WWP2: variants seen among roughly 807,000 people sequenced by gnomAD.
WWP2 encodes the protein WW domain containing E3 ubiquitin protein ligase 2.
In WWP2, 57 loss-of-function variants were observed where a neutral mutation model predicts 121.0. The ratio of observed to expected loss-of-function variants is 0.47; its 90% CI spans 0.38 to 0.59. The LOEUF (loss-of-function observed/expected upper bound fraction) is 0.59. Ranked by LOEUF, WWP2 falls within the 20% of genes least tolerant of loss-of-function variation. The pLI is 0.00. For missense variants in WWP2, 962 were observed against 1,158.9 expected (o/e 0.83, Z 2.47); for synonymous variants, 449 against 441.3 (o/e 1.02, Z -0.22).
At chr16:69,818,654 A>G (rs1409510841) in intron 4 of WWP2, among the ~76,000 whole-genome samples, 2 of 152,110 alleles carry the variant, frequency 1.3e-5, no homozygotes, top group Non-Finnish European at 2.9e-5. Context: ...GGACACAATG[A>G]ATCGATCCTT....
intron 16 of WWP2, among the ~76,000 whole-genome samples, 181 bp downstream of exon 16, chr16:69,932,071 T>G (rs183963050): frequency 2.6e-5 from 4 of 152,364 alleles, no homozygotes; most frequent in South Asian, 2.1e-4. Flanking sequence ...GGCTCACGCC[T>G]ATAATCCCAG....
rs757434299 is a variant in WWP2, at chr16:69,799,291, C to A, written c.336C>A (p.Gly112=). 1.1e-5 allele frequency: 17 copies of A among 1,612,954 alleles called. No homozygotes were observed. The highest frequency in any genetic ancestry group is 1.4e-5 in the Non-Finnish European group (16 of 1,179,624). The change falls in exon 4 of 24, where the codon GGC becomes GGA. Residue 112 remains glycine (G), a synonymous_variant. Transcript: ENST00000359154. The surrounding 1 kb of genome is among the most constrained non-coding windows in gnomAD (Gnocchi z 4.5). The part of the protein sequence containing the change: ...NLSNVLKNNG[G]KMENMQLTLN... ...CCAACGTCTTGAAGAACAATGGGGG[C>A]AAAAGTACGTATGATGAAGGGGGTG...
In WWP2 at chr16:69,795,210, G is replaced by T. The variant is rs111618369; in HGVS notation, c.71-3472G>T. Among the ~76,000 whole-genome samples, 1,145 of 151,448 alleles carry T rather than the reference G, an allele frequency of 7.6e-3. 15 individuals are homozygous for T. The highest frequency in any genetic ancestry group is 0.026 in the African/African-American group (1,063 of 41,182). ...GTGATCGTGCCACTGCACTCCAGCC[G>T]GTCTACAACTTACTTTTTAATGGTT... On this transcript the variant is annotated intron_variant, in intron 2 of 23. Transcript: ENST00000359154.
chr16:69,872,842 T>C (rs527447121), intron 7 of WWP2, among the ~76,000 whole-genome samples: 5 of 152,244 alleles, frequency 3.3e-5, no homozygotes, highest in Non-Finnish European at 7.3e-5. Flanking sequence ...GGGAAGGACC[T>C]ATTTCAAAAC....
intron 8 of WWP2, among the ~76,000 whole-genome samples, chr16:69,900,855 T>C (rs930875238): frequency 1.3e-5 from 2 of 152,012 alleles, no homozygotes; most frequent in African/African-American, 4.8e-5. Context: ...GGAGCTTTGG[T>C]AAAGATAAAA....
At chr16:69,867,318 T>G (rs557652476) in intron 6 of WWP2, among the ~76,000 whole-genome samples, 52 of 152,304 alleles carry the variant, frequency 3.4e-4, no homozygotes, top group Admixed American at 1.4e-3. Context: ...TGTGCTATGA[T>G]AGAAATTTGT....
chr16:69,829,991 T>A (rs926103059), intron 4 of WWP2, among the ~76,000 whole-genome samples: 4 of 151,878 alleles, frequency 2.6e-5, no homozygotes, highest in African/African-American at 7.2e-5. Flanking sequence ...GTCTAACTCT[T>A]TCACCTAAGC....
At chr16:69,903,106 T>C (rs1225874758) in intron 8 of WWP2, among the ~76,000 whole-genome samples, 1 of 152,196 alleles carries the variant, frequency 6.6e-6, no homozygotes, top group African/African-American at 2.4e-5. Context: ...AGGGGGTTCA[T>C]AGAAGGACAT....
At position 69,917,848 on chromosome 16, in the gene WWP2, G is replaced by A; in HGVS notation, c.1144G>A (p.Ala382Thr). 2.5e-6 allele frequency: 4 copies of A among 1,613,302 alleles called. No homozygotes were observed. The highest frequency in any genetic ancestry group is 3.4e-6 in the Non-Finnish European group (4 of 1,179,252). The change falls in exon 10 of 24, where the codon GCC becomes ACC. Residue 382 changes from alanine (A) to threonine (T), a missense_variant. Physicochemically the swap from Ala to Thr is moderately conservative, Grantham distance 58. This residue lies in a region of WWP2 where 606 missense variants were observed against 772.6 expected (regional missense o/e 0.78). Coordinates refer to ENST00000359154, the MANE Select transcript of WWP2 (RefSeq NM_001270454.2). ...GTCGCAGCGGAATCAGCTCCAGGGGGCCATGCAGCACTTCAGCCAAAGATT... is the reference window on the plus strand; with the variant it reads ...GTCGCAGCGGAATCAGCTCCAGGGGACCATGCAGCACTTCAGCCAAAGATT... ...WQSQRNQLQG[A>T]MQHFSQRFLY...
At chr16:69,905,269 C>G (rs973300331) in intron 8 of WWP2, among the ~76,000 whole-genome samples, 1 of 152,208 alleles carries the variant, frequency 6.6e-6, no homozygotes, top group Non-Finnish European at 1.5e-5. Flanking sequence ...GCACTCTGGT[C>G]CTCAACCAAG....
chr16:69,786,291 C>T (rs1178522272), intron 1 of WWP2, among the ~76,000 whole-genome samples: 1 of 151,282 alleles, frequency 6.6e-6, no homozygotes, highest in Non-Finnish European at 1.5e-5. Flanking sequence ...TTACAGGCAC[C>T]CACCACTATG....
rs1486867025 is a variant in WWP2, at chr16:69,925,611, C to G, written c.1234+127C>G. The G allele has an allele frequency of 1.6e-6, 2 of 1,271,518 alleles. No individual in the cohort carries two copies. Among genetic ancestry groups the G allele is most frequent in the African/African-American group, 3.0e-5 (2 of 66,998 alleles). The allele number at this position is 1,271,518 out of a possible 1,614,324, so 78.8% of individuals were successfully genotyped here. On this transcript the variant is annotated intron_variant, in intron 11 of 23. Coordinates refer to ENST00000359154, the MANE Select transcript of WWP2 (RefSeq NM_001270454.2). This position sits in a 1 kb window ranked among gnomAD's most constrained non-coding sequence, Gnocchi z 4.0. ...TTCCATCTCTCCCCTCTCCAGCACA[C>G]TCTCTGGGCATGCCCCACCAGAGCA...
At chr16:69,845,571 C>T (rs1411193143) in intron 6 of WWP2, among the ~76,000 whole-genome samples, 1 of 152,024 alleles carries the variant, frequency 6.6e-6, no homozygotes, top group Non-Finnish European at 1.5e-5. Flanking sequence ...GTGAAGACTG[C>T]GATGTCAAAG....
chr16:69,828,085 A>G (rs1597013279), intron 4 of WWP2: 13 of 362,810 alleles, frequency 3.6e-5, no homozygotes, highest in South Asian at 2.8e-4. Flanking sequence ...TTTTTAAGTA[A>G]AGGAAAATGT....
rs112396053 is a variant in WWP2 at position 69,861,415 on chromosome 16, G to T, written c.576-10389G>T. Among the ~76,000 whole-genome samples the T allele has an allele frequency of 5.3e-5, 8 of 152,258 alleles. 1 individual carries two copies. The highest frequency in any genetic ancestry group is 1.9e-4 in the African/African-American group (8 of 41,536). On this transcript the variant is annotated intron_variant, in intron 6 of 23. Coordinates refer to ENST00000359154, the MANE Select transcript of WWP2 (RefSeq NM_001270454.2). Reference sequence around the variant, plus strand: ...TTGCCACCTTTGAGAAGGTTGCTCTGTACTCTAGGGTGCGCAAAAGGAAAT... The same window carrying T: ...TTGCCACCTTTGAGAAGGTTGCTCTTTACTCTAGGGTGCGCAAAAGGAAAT...
chr16:69,854,852 CT>C (rs1476326297), intron 6 of WWP2, among the ~76,000 whole-genome samples: 9 of 151,640 alleles, frequency 5.9e-5, no homozygotes, highest in Non-Finnish European at 1.3e-4. Context: ...CGCCTAGCCT[CT>C]TTTTTGTTTT....
intron 8 of WWP2, among the ~76,000 whole-genome samples, chr16:69,902,475 C>T (rs2151953721): frequency 6.6e-6 from 1 of 152,222 alleles, no homozygotes; most frequent in East Asian, 1.9e-4. Flanking sequence ...ATGATCCAAC[C>T]AAATGTTACT....
At position 69,837,521 on chromosome 16, in the gene WWP2, T is replaced by A. The variant is rs373819604; in HGVS notation, c.341-2605T>A. ...GAGATGAGACCATGGAGAGGAAAATTCAGGCTATCTCTCTGCCTTCTGTCC... is the reference window on the plus strand; with the variant it reads ...GAGATGAGACCATGGAGAGGAAAATACAGGCTATCTCTCTGCCTTCTGTCC... On this transcript the variant is annotated intron_variant, in intron 4 of 23. Transcript: ENST00000359154. 1.9e-4 allele frequency among the ~76,000 whole-genome samples: 29 copies of A among 152,272 alleles called. No homozygotes were observed. The East Asian group carries it at 5.2e-3, about 27-fold the overall frequency.
chr16:69,850,312 A>G (rs1019594574), intron 6 of WWP2, among the ~76,000 whole-genome samples: 9 of 149,084 alleles, frequency 6.0e-5, no homozygotes, highest in African/African-American at 2.2e-4. Flanking sequence ...GTGTGAACCC[A>G]GGAGGTGGAG....
Sources: gnomAD v4.1 joint callset for allele counts (sites outside exome capture counted in the v4.1 genomes callset) on GRCh38, gnomAD v4.1.1 for gene constraint, gnomAD v4.1.1 regional missense constraint, Gnocchi (gnomAD v3.1) non-coding constraint, MANE v1.5 for transcripts, NCBI Gene and HGNC (gene_info 2026-07-23, HGNC 2026-07-21) for gene names.